PAM: variants seen among roughly 807,000 people sequenced by gnomAD.
PAM encodes the protein peptidylglycine alpha-amidating monooxygenase.
Under a neutral mutation model 122.1 loss-of-function variants are expected in PAM, and 72 were observed. The ratio of observed to expected loss-of-function variants is 0.59; its 90% CI spans 0.49 to 0.72. The LOEUF is 0.72. PAM is among the 30% of genes least tolerant of loss of function. PAM has a pLI of 0.00. For synonymous variants in PAM, 389 were observed against 404.4 expected, an observed-to-expected ratio of 0.96 and a Z score of 0.46; for missense variants, 1,106 against 1,183.7, an observed-to-expected ratio of 0.93 and a Z score of 0.96.
intron 16 of PAM, among the ~76,000 whole-genome samples, chr5:102,997,115 A>T (rs571754608): frequency 6.6e-6 from 1 of 152,326 alleles, no homozygotes; most frequent in African/African-American, 2.4e-5. Context: ...TGCCCTTTAT[A>T]CATATAGATG....
chr5:102,761,712 G>T (rs999590908), intron 1 of PAM, among the ~76,000 whole-genome samples: 6 of 152,144 alleles, frequency 3.9e-5, no homozygotes, highest in Non-Finnish European at 8.8e-5. Context: ...ATATTTTAAA[G>T]ATAGAATTTA....
chr5:102,885,101 A>ATATATATATATAT (rs1561760697), intron 3 of PAM, among the ~76,000 whole-genome samples: 1 of 151,438 alleles, frequency 6.6e-6, no homozygotes, highest in African/African-American at 2.4e-5. Flanking sequence ...ATATAACTAT[A>ATATATATATATAT]AAAGCTTTAC....
At chr5:102,989,668 T>C (rs1340643484) in intron 15 of PAM, 2 of 152,198 alleles carry the variant, frequency 1.3e-5, no homozygotes, top group Non-Finnish European at 2.9e-5. Flanking sequence ...CCTATTCTTA[T>C]AGGGTCACTG....
chr5:103,017,014 A>G (rs17154942), intron 21 of PAM, among the ~76,000 whole-genome samples: 36,112 of 152,096 alleles, frequency 0.24, 5,037 homozygotes, highest in East Asian at 0.44. Context: ...AACTAGACAG[A>G]TAATGCAACA....
intron 1 of PAM, among the ~76,000 whole-genome samples, chr5:102,856,186 G>A (rs1782570032): frequency 6.6e-6 from 1 of 152,120 alleles, no homozygotes; most frequent in Non-Finnish European, 1.5e-5. Context: ...GTTCACAGAA[G>A]GTTGTCCACC....
At position 102,974,144 on chromosome 5, in the gene PAM, G is replaced by T; in HGVS notation, c.1191G>T (p.Leu397=). The part of the protein sequence containing the change: ...QGDFYSLLSK[L]LGEREDVVHV... ...ATTTCTATTCACTACTTTCCAAGCT[G>T]CTAGGAGAAAGGGAAGATGTTGTTC... is the stretch of plus-strand genomic sequence containing the variant. Residue 397 remains leucine (L), a synonymous_variant, in exon 15 of 26, where the codon CTG becomes CTT. Coordinates refer to ENST00000438793, the MANE Select transcript of PAM (RefSeq NM_001177306.2). 1 of 1,613,470 alleles carries T rather than the reference G, an allele frequency of 6.2e-7. No homozygotes were observed. Among genetic ancestry groups the T allele is most frequent in the Non-Finnish European group, 8.5e-7 (1 of 1,179,566 alleles).
At chr5:102,859,221 C>T (rs1783434674) in intron 1 of PAM, among the ~76,000 whole-genome samples, 1 of 152,068 alleles carries the variant, frequency 6.6e-6, no homozygotes, top group South Asian at 2.1e-4. Flanking sequence ...AAAGGCATTG[C>T]TATCATAGGA....
intron 1 of PAM, among the ~76,000 whole-genome samples, chr5:102,801,771 T>C (rs1316273886): frequency 2.1e-5 from 3 of 143,622 alleles, no homozygotes; most frequent in Non-Finnish European, 4.5e-5. Context: ...AGGGAAAAGG[T>C]ATTTTTTTTT....
chr5:102,892,934 A>G (rs1395221500), intron 3 of PAM, among the ~76,000 whole-genome samples: 1 of 151,818 alleles, frequency 6.6e-6, no homozygotes, highest in East Asian at 1.9e-4. Flanking sequence ...TTTATAGACT[A>G]TTCTTCAAGT....
chr5:102,961,289 C>A, intron 14 of PAM, 60 bp downstream of exon 14: 1 of 884,830 alleles, frequency 1.1e-6, no homozygotes, highest in Non-Finnish European at 1.9e-6. Flanking sequence ...AGTAGGCAAC[C>A]AAATTGTAAA....
At chr5:102,943,542 C>A (rs1008616971) in intron 7 of PAM, among the ~76,000 whole-genome samples, 13 of 152,024 alleles carry the variant, frequency 8.6e-5, no homozygotes, top group African/African-American at 1.4e-4. Flanking sequence ...AGATATAGAA[C>A]CCTTGTTTTT....
At chr5:102,890,782 A>G (rs1027314344) in intron 3 of PAM, among the ~76,000 whole-genome samples, 4 of 151,908 alleles carry the variant, frequency 2.6e-5, no homozygotes, top group Non-Finnish European at 4.4e-5. Flanking sequence ...GAAGAATACA[A>G]TGTACTAAAA....
rs1785572547 is a variant in PAM, at chr5:102,866,398, T to G, written c.89+114T>G. 4 of 718,410 alleles carry G rather than the reference T, an allele frequency of 5.6e-6. No individual in the cohort carries two copies. The Admixed American group carries it at 6.3e-5, about 11-fold the overall frequency. 44.5% of individuals were successfully genotyped at this position (718,410 alleles called of 1,614,324 possible). On this transcript the variant is annotated intron_variant, in intron 2 of 25. Coordinates refer to ENST00000438793, the MANE Select transcript of PAM (RefSeq NM_001177306.2). ...GGTTGATGTTCTTTGCTGGAATGAC[T>G]TGGAATTTTACCACAGTAACTTCTT...
At chr5:102,827,590 A>G (rs1443054178) in intron 1 of PAM, among the ~76,000 whole-genome samples, 1 of 151,730 alleles carries the variant, frequency 6.6e-6, no homozygotes, top group Non-Finnish European at 1.5e-5. Context: ...TGTTTTCATG[A>G]GGCGTGATTT....
intron 1 of PAM, among the ~76,000 whole-genome samples, chr5:102,853,169 G>C (rs979271058): frequency 1.3e-5 from 2 of 152,168 alleles, no homozygotes; most frequent in Admixed American, 1.3e-4. Context: ...TATAGTACCT[G>C]TCAGTGCCAG....
rs80225522 is a variant in PAM, at chr5:102,762,709, C to T, written c.-374+7361C>T. 8.1e-3 allele frequency among the ~76,000 whole-genome samples: 1,236 copies of T among 152,198 alleles called. 6 individuals carry two copies. Among genetic ancestry groups the T allele is most frequent in the African/African-American group, 0.028 (1,180 of 41,534 alleles). On this transcript the variant is annotated intron_variant, in intron 1 of 25. Coordinates refer to ENST00000438793, the MANE Select transcript of PAM (RefSeq NM_001177306.2). ...AAAAATTAGGCCTTGTCCTTTAACCCGTGATACCCTGTAGTGCTCAGAGCT... is the reference window on the plus strand; with the variant it reads ...AAAAATTAGGCCTTGTCCTTTAACCTGTGATACCCTGTAGTGCTCAGAGCT...
intron 23 of PAM, among the ~76,000 whole-genome samples, chr5:103,021,824 G>A (rs1362956899): frequency 6.6e-6 from 1 of 152,044 alleles, no homozygotes; most frequent in Non-Finnish European, 1.5e-5. Flanking sequence ...AAAGAGAAGG[G>A]AAAACACAAT....
intron 3 of PAM, among the ~76,000 whole-genome samples, chr5:102,890,985 T>C (rs1372517646): frequency 6.6e-6 from 1 of 151,872 alleles, no homozygotes; most frequent in Non-Finnish European, 1.5e-5. Context: ...ATTAATATTA[T>C]CTTTGAATGG....
At chr5:102,836,600 C>T (rs1777105927) in intron 1 of PAM, among the ~76,000 whole-genome samples, 1 of 152,076 alleles carries the variant, frequency 6.6e-6, no homozygotes, top group Admixed American at 6.6e-5. Flanking sequence ...CCATGGGTGA[C>T]ATCTGAGACA....
Sources: allele counts gnomAD v4.1 joint callset (sites outside exome capture counted in the v4.1 genomes callset), GRCh38; gene constraint gnomAD v4.1.1; transcripts MANE v1.5; gene names NCBI Gene and HGNC (gene_info 2026-07-23, HGNC 2026-07-21).